TENM3: variants seen among roughly 807,000 people sequenced by gnomAD.
The protein encoded by TENM3 is teneurin transmembrane protein 3, also known as teneurin-3.
A neutral mutation model predicts 255.1 loss-of-function variants in TENM3; 63 were observed. The observed-to-expected ratio is 0.25, with a 90% CI of 0.20 to 0.30. The LOEUF (loss-of-function observed/expected upper bound fraction) is 0.30. Ranked by LOEUF, TENM3 falls within the 10% of genes least tolerant of loss-of-function variation. The pLI is 1.00. For missense variants in TENM3, 2,929 were observed against 3,461.1 expected (o/e 0.85, Z 3.86); for synonymous variants, 1,306 against 1,322.3 (o/e 0.99, Z 0.27).
chr4:181,496,709 A>G, the TENM3 span, among the ~76,000 whole-genome samples: 222 of 152,118 alleles, frequency 1.5e-3, no homozygotes, highest in African/African-American at 5.2e-3. Context: ...ATTCATTAAG[A>G]CCAGTGTGAT....
At chr4:181,963,243 C>A in the TENM3 span, among the ~76,000 whole-genome samples, 1 of 152,140 alleles carries the variant, frequency 6.6e-6, no homozygotes, top group African/African-American at 2.4e-5. Context: ...CAAAATAATG[C>A]TATATGTCAG....
At chr4:182,286,512 AC>A (rs1760738393) in intron 1 of TENM3, among the ~76,000 whole-genome samples, 1 of 151,830 alleles carries the variant, frequency 6.6e-6, no homozygotes, top group Non-Finnish European at 1.5e-5. Context: ...GGACCCCTCA[AC>A]CCCCACATCT....
At chr4:181,824,514 T>C in the TENM3 span, among the ~76,000 whole-genome samples, 6 of 152,164 alleles carry the variant, frequency 3.9e-5, no homozygotes, top group Non-Finnish European at 8.8e-5. Flanking sequence ...AATAACAATT[T>C]CACAATCTCA....
the TENM3 span, among the ~76,000 whole-genome samples, chr4:181,695,869 G>A: frequency 6.6e-6 from 1 of 152,052 alleles, no homozygotes; most frequent in Non-Finnish European, 1.5e-5. Flanking sequence ...CCAGGGAAAT[G>A]GGCAGTATTA....
chr4:182,771,559 T>C (rs1215892807), intron 22 of TENM3, among the ~76,000 whole-genome samples: 2 of 152,000 alleles, frequency 1.3e-5, no homozygotes, highest in Non-Finnish European at 2.9e-5. Flanking sequence ...AAAAGGGCAT[T>C]AATTTTTTTT....
At chr4:181,660,575 T>C in the TENM3 span, among the ~76,000 whole-genome samples, 1 of 152,304 alleles carries the variant, frequency 6.6e-6, no homozygotes, top group East Asian at 1.9e-4. Flanking sequence ...GTAGATATTA[T>C]CTGGTAATTT....
chr4:182,751,907 G>A lies in TENM3; in HGVS notation c.3737G>A (p.Gly1246Glu). Residue 1246 changes from glycine to glutamate, a missense_variant, in exon 20 of 28, where the codon GGG (glycine) becomes GAG (glutamate). Transcript: ENST00000511685. ...RRIYRPKSLT[G>E]AKDLTKNAEV... ...ATTTATCGCCCAAAGTCACTTACGGGGGCAAAAGACTTGACTAAAAATGCA... is the reference window on the plus strand; with the variant it reads ...ATTTATCGCCCAAAGTCACTTACGGAGGCAAAAGACTTGACTAAAAATGCA... 2 of 1,613,784 alleles carry A rather than the reference G, an allele frequency of 1.2e-6. No individual in the cohort carries two copies. Among genetic ancestry groups the A allele is most frequent in the Non-Finnish European group, 1.7e-6 (2 of 1,179,868 alleles).
chr4:181,761,695 A>T, the TENM3 span, among the ~76,000 whole-genome samples: 1 of 152,088 alleles, frequency 6.6e-6, no homozygotes, highest in Non-Finnish European at 1.5e-5. Flanking sequence ...TCTTTATGTG[A>T]TTTACCAAAT....
the TENM3 span, among the ~76,000 whole-genome samples, chr4:181,930,542 A>G: frequency 5.9e-5 from 9 of 152,168 alleles, no homozygotes; most frequent in Non-Finnish European, 1.2e-4. Context: ...ACCAACCACA[A>G]AAAGCCCAGG....
chr4:182,744,121 T>G (rs761855738), intron 19 of TENM3: 12 of 693,312 alleles, frequency 1.7e-5, no homozygotes, highest in Middle Eastern at 6.7e-4. Context: ...TTTTTTACCT[T>G]TTTTTATCTG....
rs553886954 is a variant in TENM3, at chr4:182,356,507, G to A, written c.511+9578G>A. ...CGTGGCTGAGGGATCCAGGGATGGAGGTACTTGCATAATTGGAGGACATTT... is the reference window on the plus strand; with the variant it reads ...CGTGGCTGAGGGATCCAGGGATGGAAGTACTTGCATAATTGGAGGACATTT... On this transcript the variant is annotated intron_variant, in intron 3 of 27. Coordinates refer to ENST00000511685, the MANE Select transcript of TENM3 (RefSeq NM_001080477.4). Among the ~76,000 whole-genome samples, 3 of 152,148 alleles carry A rather than the reference G, an allele frequency of 2.0e-5. No homozygotes were observed. In the East Asian group the frequency reaches 5.8e-4, roughly 30 times the overall value.
chr4:182,315,370 T>G (rs1192088317), intron 1 of TENM3, among the ~76,000 whole-genome samples: 1 of 152,124 alleles, frequency 6.6e-6, no homozygotes, highest in Non-Finnish European at 1.5e-5. Context: ...TCACCTTCAT[T>G]TTTGAGAGTT....
chr4:181,940,897 T>C, the TENM3 span, among the ~76,000 whole-genome samples: 1 of 152,216 alleles, frequency 6.6e-6, no homozygotes, highest in Non-Finnish European at 1.5e-5. Flanking sequence ...CAAAGAGGTA[T>C]CAGTGTTTGT....
chr4:181,605,717 A>T, the TENM3 span, among the ~76,000 whole-genome samples: 1 of 152,186 alleles, frequency 6.6e-6, no homozygotes, highest in African/African-American at 2.4e-5. Flanking sequence ...GTACTAGAAA[A>T]GTACTAGAAT....
chr4:181,524,031 T>A, the TENM3 span, among the ~76,000 whole-genome samples: 1 of 152,196 alleles, frequency 6.6e-6, no homozygotes, highest in Admixed American at 6.5e-5. Flanking sequence ...GAATTCTACG[T>A]GGCTCGCTGT....
At chr4:182,143,549 C>A (rs2149541144), upstream of TENM3, 1 of 166,992 alleles carries the variant, frequency 6.0e-6, no homozygotes, top group East Asian at 1.9e-4. The surrounding 1 kb of genome is among the most constrained non-coding windows in gnomAD (Gnocchi z 4.3). Flanking sequence ...GCCCACCCTA[C>A]GGAAGATCAA....
the TENM3 span, among the ~76,000 whole-genome samples, chr4:181,924,097 C>A: frequency 1.3e-5 from 2 of 152,124 alleles, no homozygotes; most frequent in African/African-American, 4.8e-5. Context: ...GCAGAGCAAC[C>A]TAGAGAGATG....
intron 1 of TENM3, among the ~76,000 whole-genome samples, chr4:182,243,684 A>C (rs1757436935): frequency 6.6e-6 from 1 of 152,196 alleles, no homozygotes; most frequent in Non-Finnish European, 1.5e-5. Flanking sequence ...TGAGGAAAAG[A>C]GCAGTTCAAG....
At chr4:181,921,741 A>C in the TENM3 span, among the ~76,000 whole-genome samples, 2 of 152,002 alleles carry the variant, frequency 1.3e-5, no homozygotes, top group Non-Finnish European at 2.9e-5. Context: ...TCTCCTGACT[A>C]ATTGCCCTGG....
Sources: gnomAD v4.1 joint callset for allele counts (sites outside exome capture counted in the v4.1 genomes callset) on GRCh38, gnomAD v4.1.1 for gene constraint, Gnocchi (gnomAD v3.1) non-coding constraint, MANE v1.5 for transcripts, NCBI Gene and HGNC (gene_info 2026-07-23, HGNC 2026-07-21) for gene names.